The following VPS13A variants were observed in gnomAD, a reference collection of about 807,000 sequenced individuals.
The protein encoded by VPS13A is vacuolar protein sorting 13 homolog A, also known as intermembrane lipid transfer protein VPS13A.
In VPS13A, 264 loss-of-function variants were observed where a neutral mutation model predicts 390.9. That is an observed-to-expected ratio of 0.68 (90% CI 0.61 to 0.75). The LOEUF is 0.75. VPS13A is among the 30% of genes least tolerant of loss of function. The pLI, the probability that VPS13A is intolerant of heterozygous loss-of-function variation, is 0.00. For synonymous variants in VPS13A, 1,231 were observed against 1,227.1 expected, an observed-to-expected ratio of 1.00 and a Z score of -0.07; for missense variants, 3,409 against 3,733.9, an observed-to-expected ratio of 0.91 and a Z score of 2.27.
At chr9:77,198,464 G>A (rs1825129017) in intron 1 of VPS13A, among the ~76,000 whole-genome samples, 1 of 151,954 alleles carries the variant, frequency 6.6e-6, no homozygotes, top group South Asian at 2.1e-4. Context: ...ATCCACTTGT[G>A]GTATTATGTC....
At chr9:77,222,249 A>T (rs1425659503) in intron 13 of VPS13A, among the ~76,000 whole-genome samples, 1 of 152,124 alleles carries the variant, frequency 6.6e-6, no homozygotes, top group Non-Finnish European at 1.5e-5. Flanking sequence ...AGGTTGTCTT[A>T]GTCTTGAATC....
In VPS13A at chr9:77,238,394, C is replaced by T. The variant is rs1304639365; in HGVS notation, c.1900+8C>T. ...GCAGTAAGACAGCAACAGGTAAATG[C>T]CAATATTAATGTTGGTGAATTAAAT... On this transcript the variant is annotated splice_region_variant and intron_variant, in intron 19 of 71. Coordinates refer to ENST00000360280, the MANE Select transcript of VPS13A (RefSeq NM_033305.3). 2 of 1,591,576 alleles carry T rather than the reference C, an allele frequency of 1.3e-6. No homozygotes were observed. The highest frequency in any genetic ancestry group is 1.7e-6 in the Non-Finnish European group (2 of 1,159,622).
intron 7 of VPS13A, 128 bp downstream of exon 7, chr9:77,210,803 T>C (rs1457234463): frequency 9.6e-6 from 9 of 934,388 alleles, no homozygotes; most frequent in Admixed American, 3.8e-5. Context: ...AGGGTCTTCA[T>C]TGGATTGGAA....
rs1192556165 is a variant in VPS13A, at chr9:77,339,721, A to G, written c.6584A>G (p.Asp2195Gly). The G allele has an allele frequency of 7.4e-6, 12 of 1,614,084 alleles. No individual in the cohort carries two copies. Among genetic ancestry groups the G allele is most frequent in the Admixed American group, 3.3e-5 (2 of 60,020 alleles). Residue 2195 changes from aspartate (D) to glycine (G), a missense_variant, in exon 48 of 72, where the codon GAT becomes GGT. By Grantham distance (94) the Asp-to-Gly change is moderately conservative. This residue lies in a region of VPS13A where 2,717 missense variants were observed against 2,917.4 expected (regional missense o/e 0.93). Coordinates refer to ENST00000360280, the MANE Select transcript of VPS13A (RefSeq NM_033305.3). ...ACAGAAATGGAAAAGACTGATTTAG[A>G]TATTGCTGTCCATATGACTTACAAT... Reference protein sequence around the residue: ...CVTEMEKTDLDIAVHMTYNTG... With the variant: ...CVTEMEKTDLGIAVHMTYNTG...
intron 1 of VPS13A, among the ~76,000 whole-genome samples, chr9:77,194,169 T>C (rs901645180): frequency 6.6e-6 from 1 of 151,818 alleles, no homozygotes; most frequent in Non-Finnish European, 1.5e-5. Context: ...GGCAAAACAG[T>C]GCGGGGAAGC....
intron 68 of VPS13A, among the ~76,000 whole-genome samples, chr9:77,397,901 C>T (rs373793943): frequency 2.6e-5 from 4 of 151,754 alleles, no homozygotes; most frequent in Non-Finnish European, 4.4e-5. Flanking sequence ...ATGAATAAGG[C>T]GAAAAAAATG....
Position 77,293,449 on chromosome 9 carries a change from A to G in VPS13A, c.3448A>G (p.Asn1150Asp), listed in dbSNP as rs1371093023. 1.9e-6 allele frequency: 3 copies of G among 1,606,382 alleles called. No individual in the cohort carries two copies. The highest frequency in any genetic ancestry group is 1.7e-4 in the Middle Eastern group (1 of 5,984). ...TDMNVVDIQV[N>D]LIVGCIEVVF... The stretch of plus-strand genomic sequence containing the variant: ...TATGAATGTGGTTGACATTCAGGTT[A>G]ATTTAATAGTTGGTTGCATTGAAGT... Residue 1150 changes from asparagine (N) to aspartate (D), a missense_variant, in exon 32 of 72, where the codon AAT becomes GAT. Asn to Asp is a conservative substitution (Grantham distance 23). Transcript: ENST00000360280.
At chr9:77,255,417 A>G (rs1337150266) in intron 22 of VPS13A, among the ~76,000 whole-genome samples, 1 of 152,100 alleles carries the variant, frequency 6.6e-6, no homozygotes, top group Admixed American at 6.6e-5. Flanking sequence ...AGAGTAAATG[A>G]TATATAAACC....
rs960270620 is a variant in VPS13A, at chr9:77,253,388, C to T, written c.2288+1036C>T. The stretch of plus-strand genomic sequence containing the variant: ...TGGCATGATCTTGGCTCACTGCTAC[C>T]TCCACCTCCTGGGTTCAAGTGATTC... On this transcript the variant is annotated intron_variant, in intron 22 of 71. Transcript: ENST00000360280. Among the ~76,000 whole-genome samples the T allele has an allele frequency of 3.4e-4, 52 of 152,280 alleles. 1 individual carries two copies. The highest frequency in any genetic ancestry group is 2.0e-3 in the Admixed American group (30 of 15,300).
chr9:77,353,302 G>A, intron 53 of VPS13A, 107 bp from the exon 54 acceptor site: 2 of 790,692 alleles, frequency 2.5e-6, no homozygotes, highest in Non-Finnish European at 4.1e-6. Flanking sequence ...CATGAAGTAG[G>A]TGCCATTAAT....
In VPS13A at chr9:77,332,511, CCTTTT is replaced by C. The variant is rs566065889; in HGVS notation, c.6095+405_6095+409del. On this transcript the variant is annotated intron_variant, in intron 46 of 71. Transcript: ENST00000360280. ...ATTCCTTTAGTAAACAATATTTTAT[CCTTTT>C]CTTTTCATATTTGTTCATTGTTCAG... 7.5e-4 allele frequency among the ~76,000 whole-genome samples: 113 copies of C among 151,566 alleles called. 1 individual carries two copies. Among genetic ancestry groups the C allele is most frequent in the East Asian group, 2.9e-3 (15 of 5,174 alleles).
chr9:77,412,589 G>C (rs563926237), intron 71 of VPS13A, among the ~76,000 whole-genome samples: 4 of 152,110 alleles, frequency 2.6e-5, no homozygotes, highest in Non-Finnish European at 5.9e-5. Flanking sequence ...GGTATTGATG[G>C]GATGTATCTC....
At chr9:77,359,532 A>C (rs1390839399) in intron 58 of VPS13A, 130 bp downstream of exon 58, 20 of 914,858 alleles carry the variant, frequency 2.2e-5, no homozygotes, top group Non-Finnish European at 3.0e-5. Context: ...ACGTCAAATA[A>C]AAAAATATAA....
In VPS13A at chr9:77,332,055, A is replaced by T. The variant is rs559443314; in HGVS notation, c.6037A>T (p.Thr2013Ser). 3.5e-5 allele frequency: 56 copies of T among 1,612,236 alleles called. No homozygotes were observed. The South Asian group carries it at 6.0e-4, about 17-fold the overall frequency. The change falls in exon 46 of 72, where the codon ACC (threonine) becomes TCC (serine). Residue 2013 changes from threonine (T) to serine (S), a missense_variant. By Grantham distance (58) the Thr-to-Ser change is moderately conservative (BLOSUM62 1). Coordinates refer to ENST00000360280, the MANE Select transcript of VPS13A (RefSeq NM_033305.3). Reference protein sequence around the residue: ...SVPLSVYEGDTLLGTASPENE... With the variant: ...SVPLSVYEGDSLLGTASPENE... The stretch of plus-strand genomic sequence containing the variant: ...CCCACTGTCTGTTTACGAAGGGGAT[A>T]CCTTATTGGGAACTGCCTCACCTGA...
At position 77,419,822 on chromosome 9, in the gene VPS13A, T is replaced by C. The variant is rs1295544061; in HGVS notation, c.*3816T>C. The C allele has an allele frequency of 6.6e-6, 1 of 152,222 alleles. No individual in the cohort carries two copies. Among genetic ancestry groups the C allele is most frequent in the Non-Finnish European group, 1.5e-5 (1 of 68,034 alleles). The allele number at this position is 152,222 out of a possible 1,614,324, so 9.4% of individuals were successfully genotyped here. A position where few individuals can be genotyped will look rare whatever the true frequency, so the allele number is the denominator to read the frequency against. ...GAATCTGCACCATCTACCTTTTGGCTGATTCACCATACAGGTGGCAAAGGC... is the reference window on the plus strand; with the variant it reads ...GAATCTGCACCATCTACCTTTTGGCCGATTCACCATACAGGTGGCAAAGGC... On this transcript the variant is annotated 3_prime_UTR_variant, in exon 72 of 72. Transcript: ENST00000360280.
intron 35 of VPS13A, among the ~76,000 whole-genome samples, chr9:77,312,438 CTT>C (rs1829135541): frequency 2.4e-5 from 3 of 126,772 alleles, no homozygotes; most frequent in African/African-American, 8.5e-5. Context: ...TTTTTTTTTT[CTT>C]TTTTGAGATG....
chr9:77,286,396 C>T (rs1349982915), intron 31 of VPS13A, among the ~76,000 whole-genome samples: 1 of 152,140 alleles, frequency 6.6e-6, no homozygotes, highest in East Asian at 1.9e-4. Context: ...GTTCACCAGT[C>T]TTTATGCTGG....
At position 77,377,661 on chromosome 9, in the gene VPS13A, A is replaced by G. The variant is rs138799555; in HGVS notation, c.9078-4315A>G. ...TTGGGTTTTCTATATGTAAGAGTAT[A>G]TCATCTGAGAACTGAGGTAACTTTA... On this transcript the variant is annotated intron_variant, in intron 67 of 71. Transcript: ENST00000360280. 7.9e-5 allele frequency among the ~76,000 whole-genome samples: 12 copies of G among 152,272 alleles called. No individual in the cohort carries two copies. The East Asian group carries it at 2.3e-3, about 29-fold the overall frequency.
chr9:77,303,833 C>T (rs1168565005), intron 34 of VPS13A, among the ~76,000 whole-genome samples: 1 of 152,148 alleles, frequency 6.6e-6, no homozygotes, highest in Non-Finnish European at 1.5e-5. Flanking sequence ...ACATGTCTCG[C>T]CTCCCACCAT....
Sources: allele counts gnomAD v4.1 joint callset (sites outside exome capture counted in the v4.1 genomes callset), GRCh38; gene constraint gnomAD v4.1.1; regional missense constraint gnomAD v4.1.1; transcripts MANE v1.5; gene names NCBI Gene and HGNC (gene_info 2026-07-23, HGNC 2026-07-21).